The following OAT variants were observed in gnomAD, a reference collection of about 807,000 sequenced individuals.
OAT encodes the protein ornithine aminotransferase, mitochondrial.
Under a neutral mutation model 48.4 loss-of-function variants are expected in OAT, and 35 were observed. The ratio of observed to expected loss-of-function variants is 0.72; its 90% CI spans 0.55 to 0.96. OAT has a LOEUF of 0.96. Among genes scored for constraint, OAT ranks in the 40% least tolerant of loss-of-function variants. OAT has a pLI of 0.00. For missense variants in OAT, 438 were observed against 537.9 expected (o/e 0.81, Z 1.84); for synonymous variants, 182 against 198.4 (o/e 0.92, Z 0.70).
chr10:124,402,293 A>G lies in OAT; in HGVS notation c.901-454T>C, dbSNP rs148431914. Among the ~76,000 whole-genome samples the G allele has an allele frequency of 1.2e-4, 19 of 152,330 alleles. No homozygotes were observed. The East Asian group carries it at 3.7e-3, about 29-fold the overall frequency. ...TAATGACTTAGTCATACCCTAAAACATTACAAATACTTTAGGTACACTTCA... is the reference window on the plus strand; with the variant it reads ...TAATGACTTAGTCATACCCTAAAACGTTACAAATACTTTAGGTACACTTCA... On this transcript the variant is annotated intron_variant, in intron 7 of 9. Transcript: ENST00000368845.
intron 1 of OAT, 122 bp from the exon 2 acceptor site, chr10:124,412,322 G>A: frequency 1.4e-6 from 1 of 735,864 alleles, no homozygotes; most frequent in Non-Finnish European, 2.3e-6. Flanking sequence ...ACCAGCCTGG[G>A]CAACAGAGCA....
intron 9 of OAT, among the ~76,000 whole-genome samples, chr10:124,400,446 T>TAAA (rs56370450): frequency 9.6e-6 from 1 of 103,832 alleles, no homozygotes; most frequent in Admixed American, 1.1e-4. Flanking sequence ...GACTCCATCT[T>TAAA]AAAAAAAAAA....
intron 7 of OAT, among the ~76,000 whole-genome samples, chr10:124,402,401 C>T (rs757942030): frequency 3.3e-5 from 5 of 152,172 alleles, no homozygotes; most frequent in East Asian, 1.9e-4. Context: ...CTTCCAACGT[C>T]GAGATGAAAT....
chr10:124,402,790 T>C, intron 7 of OAT, 137 bp downstream of exon 7: 4 of 1,110,834 alleles, frequency 3.6e-6, no homozygotes, highest in Non-Finnish European at 5.4e-6. Context: ...ATTACAGATA[T>C]TCCGGGTGGC....
At position 124,400,919 on chromosome 10, in the gene OAT, G is replaced by T. The variant is rs375458030; in HGVS notation, c.1080C>A (p.Leu360=). 6.2e-7 allele frequency: 1 copy of T among 1,609,188 alleles called. No individual in the cohort carries two copies. Among genetic ancestry groups the T allele is most frequent in the Non-Finnish European group, 8.5e-7 (1 of 1,177,328 alleles). ...DKLGIILRNE[L]MKLPSDVVTA... is the part of the protein sequence containing the mutation. ...TTACAACATCAGAAGGTAGCTTCAT[G>T]AGTTCATTTCTCAAGATAATGCCCA... is the stretch of plus-strand genomic sequence containing the variant. Residue 360 remains leucine, a synonymous_variant, in exon 9 of 10, where the codon CTC becomes CTA. Coordinates refer to ENST00000368845, the MANE Select transcript of OAT (RefSeq NM_000274.4).
chr10:124,412,196 C>T lies in OAT; in HGVS notation c.-25G>A. ...TTGTGTCCTTCAAGTAGAAAAACCA[C>T]AGATCTGTCCAAAGAAAAGAGAATG... On this transcript the variant is annotated 5_prime_UTR_variant, in exon 2 of 10. In the 5' UTR this introduces an upstream ATG that the reference lacks. Transcript: ENST00000368845. 1 of 1,599,574 alleles carries T rather than the reference C, an allele frequency of 6.3e-7. No homozygotes were observed. The highest frequency in any genetic ancestry group is 8.6e-7 in the Non-Finnish European group (1 of 1,169,586).
At chr10:124,403,514 T>C (rs191770084) in intron 6 of OAT, among the ~76,000 whole-genome samples, 1 of 152,184 alleles carries the variant, frequency 6.6e-6, no homozygotes, top group Non-Finnish European at 1.5e-5. Flanking sequence ...TGAAAGGCTC[T>C]TAGAGCAGCG....
At chr10:124,407,211 C>A (rs1266735603) in intron 4 of OAT, 32 of 985,312 alleles carry the variant, frequency 3.2e-5, no homozygotes, top group Non-Finnish European at 3.6e-5. Flanking sequence ...AGAAGAAATG[C>A]ACTGATTAGA....
intron 2 of OAT, among the ~76,000 whole-genome samples, chr10:124,410,633 T>G (rs1450845811): frequency 6.6e-6 from 1 of 151,954 alleles, no homozygotes; most frequent in Non-Finnish European, 1.5e-5. Flanking sequence ...TAGCAAAATC[T>G]AATCTCTACA....
Position 124,408,829 on chromosome 10 carries a change from A to C in OAT, c.336T>G (p.Ser112=). ...KSQVDKLTLT[S]RAFYNNVLGE... is the part of the protein sequence containing the mutation. Reference sequence around the variant, plus strand: ...CAAGTACGTTATTATAGAAAGCTCTAGATGTTAAGGTCAATTTGTCCACTT... The same window carrying C: ...CAAGTACGTTATTATAGAAAGCTCTCGATGTTAAGGTCAATTTGTCCACTT... The change falls in exon 3 of 10, where the codon TCT becomes TCG. Residue 112 remains serine, a synonymous_variant. Transcript: ENST00000368845. The C allele has an allele frequency of 6.2e-7, 1 of 1,612,782 alleles. No individual in the cohort carries two copies. The highest frequency in any genetic ancestry group is 8.5e-7 in the Non-Finnish European group (1 of 1,179,886).
rs1430126839 is a variant in OAT, at chr10:124,400,969, TTTC to T, written c.1027_1029del (p.Glu343del). ...AATTTGTCTGCATTTTCAGCAAGGT[TTTC>T]TTCTTCTAAAACCTACGTTTAAAGA... is the stretch of plus-strand genomic sequence containing the variant. On this transcript the variant is annotated inframe_deletion, in exon 9 of 10. Coordinates refer to ENST00000368845, the MANE Select transcript of OAT (RefSeq NM_000274.4). The T allele has an allele frequency of 1.9e-6, 3 of 1,611,728 alleles. No homozygotes were observed. Among genetic ancestry groups the T allele is most frequent in the South Asian group, 2.2e-5 (2 of 90,930 alleles).
At chr10:124,407,588 T>G (rs1189152264) in intron 4 of OAT, 2 of 242,616 alleles carry the variant, frequency 8.2e-6, no homozygotes, top group African/African-American at 4.6e-5. Context: ...TGGCCTTCGG[T>G]TGAACTCTGG....
chr10:124,400,523 C>A (rs1047124720), intron 9 of OAT, among the ~76,000 whole-genome samples: 1 of 148,502 alleles, frequency 6.7e-6, no homozygotes, highest in Non-Finnish European at 1.5e-5. Flanking sequence ...GGGAGGCCAA[C>A]GCAGGTGGAT....
rs202198268 is a variant in OAT, at chr10:124,412,160, T to C, written c.12A>G (p.Lys4=). 2.5e-6 allele frequency: 4 copies of C among 1,613,880 alleles called. No individual in the cohort carries two copies. Among genetic ancestry groups the C allele is most frequent in the Non-Finnish European group, 3.4e-6 (4 of 1,179,948 alleles). The change falls in exon 2 of 10, where the codon AAA becomes AAG. Residue 4 remains lysine (K), a synonymous_variant. Coordinates refer to ENST00000368845, the MANE Select transcript of OAT (RefSeq NM_000274.4). The part of the protein sequence containing the change: MFS[K]LAHLQRFAVL... ...CAGCAAACCTCTGCAAATGTGCTAG[T>C]TTGGAAAACATTGTGTCCTTCAAGT...
chr10:124,415,070 G>GCGAGACTTTGT lies in OAT; in HGVS notation c.-29-2871_-29-2870insACAAAGTCTCG. On this transcript the variant is annotated intron_variant, in intron 1 of 9. Coordinates refer to ENST00000368845, the MANE Select transcript of OAT (RefSeq NM_000274.4). ...CCAGCACTCCAGCCTGGGCTACAAA[G>GCGAGACTTTGT]CGCTAAAAAAAAAAAAAAAAAAAAA... The GCGAGACTTTGT allele has an allele frequency of 5.1e-5, 2 of 39,348 alleles. 1 individual carries two copies. The highest frequency in any genetic ancestry group is 1.3e-3 in the East Asian group (2 of 1,508). The allele number at this position is 39,348 out of a possible 1,614,324, so 2.4% of individuals were successfully genotyped here.
At chr10:124,399,424 C>A (rs890160830) in intron 9 of OAT, among the ~76,000 whole-genome samples, 1 of 144,338 alleles carries the variant, frequency 6.9e-6, no homozygotes, top group Non-Finnish European at 1.5e-5. Flanking sequence ...CAGCTCACTG[C>A]AAGCTCCACC....
At chr10:124,408,664 T>G (rs764681134) in intron 3 of OAT, 27 bp from the exon 4 acceptor site, 15 of 1,598,296 alleles carry the variant, frequency 9.4e-6, no homozygotes, top group Admixed American at 3.3e-5. Flanking sequence ...ATGTTCAGAT[T>G]TTTTTAAAAT....
Position 124,408,311 on chromosome 10 carries a change from G to A in OAT, c.520+231C>T, listed in dbSNP as rs373426476. ...TGTGTGTGTGTGTGTGTGTGTGTGT[G>A]TGTGTGTATATATATATATATATAT... On this transcript the variant is annotated intron_variant, in intron 4 of 9. Coordinates refer to ENST00000368845, the MANE Select transcript of OAT (RefSeq NM_000274.4). 0.13 allele frequency among the ~76,000 whole-genome samples: 7,682 copies of A among 59,386 alleles called. 322 individuals are homozygous for A. The highest frequency in any genetic ancestry group is 0.31 in the East Asian group (547 of 1,790). The allele number at this position is 59,386 out of a possible 152,430, so 39.0% of individuals were successfully genotyped here.
rs73380237 is a variant in OAT, at chr10:124,407,128, C to G, written c.520+1414G>C. The G allele has an allele frequency of 8.3e-3, 8,197 of 985,366 alleles. 526 individuals are homozygous for G. The African/African-American group carries it at 0.13, about 16-fold the overall frequency. 61.0% of individuals were successfully genotyped at this position (985,366 alleles called of 1,614,324 possible). ...TTGCAAAGCCTCTTTCACCAGCATC[C>G]CTTACCCACAAGTAATCTCTTCTTT... On this transcript the variant is annotated intron_variant, in intron 4 of 9. Transcript: ENST00000368845.
Sources: gnomAD v4.1 joint callset for allele counts (sites outside exome capture counted in the v4.1 genomes callset) on GRCh38, gnomAD v4.1.1 for gene constraint, MANE v1.5 for transcripts, NCBI Gene and HGNC (gene_info 2026-07-23, HGNC 2026-07-21) for gene names.